CLMP: variants seen among roughly 807,000 people sequenced by gnomAD.
CLMP encodes CXADR-like membrane protein.
Under a neutral mutation model 45.2 loss-of-function variants are expected in CLMP, and 27 were observed. That is an observed-to-expected ratio of 0.60 (90% CI 0.44 to 0.82). The LOEUF (loss-of-function observed/expected upper bound fraction) is 0.82, where lower values mean the gene tolerates loss of function less well. Among genes scored for constraint, CLMP ranks in the 40% least tolerant of loss-of-function variants. The pLI, the probability that CLMP is intolerant of heterozygous loss-of-function variation, is 0.00. For synonymous variants in CLMP, 167 were observed against 171.4 expected (o/e 0.97, Z 0.20); for missense variants, 403 against 448.4 (o/e 0.90, Z 0.91).
chr11:123,155,104 T>G (rs1332177298), intron 1 of CLMP, among the ~76,000 whole-genome samples: 1 of 152,184 alleles, frequency 6.6e-6, no homozygotes, highest in Non-Finnish European at 1.5e-5. Flanking sequence ...TCGTCCTGAC[T>G]TAGCCTCCTG....
At chr11:123,176,591 A>G (rs1861703241) in intron 1 of CLMP, among the ~76,000 whole-genome samples, 1 of 152,124 alleles carries the variant, frequency 6.6e-6, no homozygotes, top group Non-Finnish European at 1.5e-5. Context: ...TCTCACTTTG[A>G]ATGCCTGTTC....
At chr11:123,129,755 T>C (rs79129722) in intron 1 of CLMP, among the ~76,000 whole-genome samples, 17,694 of 148,676 alleles carry the variant, frequency 0.12, 1,227 homozygotes, top group African/African-American at 0.17. Context: ...ATTTGACCAC[T>C]TTATCTTATA....
intron 5 of CLMP, among the ~76,000 whole-genome samples, chr11:123,082,115 A>ATGAGCACATGCACATACG (rs1865812159): frequency 6.6e-6 from 1 of 152,034 alleles, no homozygotes; most frequent in Non-Finnish European, 1.5e-5. Context: ...ATGCACATAC[A>ATGAGCACATGCACATACG]CACTCACAAA....
At chr11:123,153,923 C>T (rs937944717) in intron 1 of CLMP, among the ~76,000 whole-genome samples, 19 of 150,516 alleles carry the variant, frequency 1.3e-4, no homozygotes, top group Admixed American at 8.0e-4. Context: ...TGAGCTCAAG[C>T]GATTCACCTG....
At chr11:123,097,695 T>C (rs1866006078) in intron 2 of CLMP, 100 bp downstream of exon 2, 4 of 929,798 alleles carry the variant, frequency 4.3e-6, no homozygotes, top group African/African-American at 1.7e-5. Context: ...AAAAAGGAAC[T>C]CCAGCTCTTT....
intron 2 of CLMP, among the ~76,000 whole-genome samples, chr11:123,091,393 C>T (rs1053107808): frequency 6.6e-6 from 1 of 152,210 alleles, no homozygotes; most frequent in African/African-American, 2.4e-5. Flanking sequence ...GCATGAGCCA[C>T]CGTGCCCATC....
chr11:123,098,930 C>A (rs1393565123), intron 1 of CLMP, among the ~76,000 whole-genome samples: 1 of 151,876 alleles, frequency 6.6e-6, no homozygotes, highest in African/African-American at 2.4e-5. Context: ...CTTGACCTCA[C>A]CATCCACCCT....
intron 1 of CLMP, among the ~76,000 whole-genome samples, chr11:123,156,125 G>A (rs1353093494): frequency 2.0e-5 from 3 of 152,140 alleles, no homozygotes; most frequent in Non-Finnish European, 4.4e-5. Flanking sequence ...CTGTCCTTAT[G>A]AGAAGAAACA....
chr11:123,074,883 T>C, intron 5 of CLMP, 40 bp from the exon 6 acceptor site: 1 of 1,600,124 alleles, frequency 6.2e-7, no homozygotes, highest in Admixed American at 1.7e-5. Flanking sequence ...AAACCAAACG[T>C]AAGCTAGGAA....
chr11:123,118,525 T>C (rs1041678669), intron 1 of CLMP, among the ~76,000 whole-genome samples: 6 of 152,200 alleles, frequency 3.9e-5, no homozygotes, highest in African/African-American at 1.4e-4. Flanking sequence ...AAGAAAATAT[T>C]GGAGCTTCTT....
chr11:123,178,443 C>G (rs1227318738), intron 1 of CLMP, among the ~76,000 whole-genome samples: 2 of 152,210 alleles, frequency 1.3e-5, no homozygotes, highest in Non-Finnish European at 2.9e-5. Context: ...CGCAAAGACA[C>G]CCAAGCTGAA....
chr11:123,145,067 TTG>T (rs1178190760), intron 1 of CLMP, among the ~76,000 whole-genome samples: 10 of 152,182 alleles, frequency 6.6e-5, no homozygotes, highest in Non-Finnish European at 1.3e-4. Context: ...GTAAAAAATC[TTG>T]TTAGTAATTT....
chr11:123,107,859 T>C (rs1860582260), intron 1 of CLMP, among the ~76,000 whole-genome samples: 1 of 152,142 alleles, frequency 6.6e-6, no homozygotes, highest in Non-Finnish European at 1.5e-5. Flanking sequence ...ACACTAAGTC[T>C]AAATGTTGCA....
chr11:123,080,738 T>C (rs1865795171), intron 5 of CLMP, among the ~76,000 whole-genome samples: 1 of 152,164 alleles, frequency 6.6e-6, no homozygotes, highest in African/African-American at 2.4e-5. Flanking sequence ...AATAAAGAAC[T>C]CTTTCAAATC....
At chr11:123,185,057 G>A (rs1035749438) in intron 1 of CLMP, among the ~76,000 whole-genome samples, 10 of 152,206 alleles carry the variant, frequency 6.6e-5, no homozygotes, top group Non-Finnish European at 1.5e-4. Context: ...TGAGGCGGCG[G>A]ATGGGAGGGA....
At chr11:123,129,335 CAT>C (rs1450413502) in intron 1 of CLMP, among the ~76,000 whole-genome samples, 3 of 142,344 alleles carry the variant, frequency 2.1e-5, no homozygotes, top group Non-Finnish European at 4.5e-5. Flanking sequence ...TCTTAATATA[CAT>C]ATATATAAAA....
In CLMP at chr11:123,194,995, G is replaced by A. The variant is rs1380641595; in HGVS notation, c.-55C>T. The A allele has an allele frequency of 8.2e-6, 13 of 1,579,062 alleles. No homozygotes were observed. The highest frequency in any genetic ancestry group is 1.7e-4 in the Middle Eastern group (1 of 5,764). On this transcript the variant is annotated 5_prime_UTR_variant, in exon 1 of 7. Transcript: ENST00000448775. ...CTCAGCTGCTGCTTGGCTCCGGGGC[G>A]GCCGGGCGCCTCCGACGGACCTCGG... is the stretch of plus-strand genomic sequence containing the variant.
chr11:123,183,387 T>C (rs1195712058), intron 1 of CLMP, among the ~76,000 whole-genome samples: 5 of 152,070 alleles, frequency 3.3e-5, no homozygotes, highest in African/African-American at 9.7e-5. Flanking sequence ...CCCACCATCA[T>C]GCCTGGCTAA....
intron 5 of CLMP, among the ~76,000 whole-genome samples, chr11:123,077,218 C>G (rs11218955): frequency 0.27 from 41,659 of 151,796 alleles, 7,170 homozygotes; most frequent in Non-Finnish European, 0.39. Context: ...AGGCTGGTTT[C>G]GAACTCCTGA....
Sources: allele counts gnomAD v4.1 joint callset (sites outside exome capture counted in the v4.1 genomes callset), GRCh38; gene constraint gnomAD v4.1.1; transcripts MANE v1.5; gene names NCBI Gene and HGNC (gene_info 2026-07-23, HGNC 2026-07-21).